Variants in ARHGAP6 observed in about 807,000 individuals in gnomAD.
The protein encoded by ARHGAP6 is rho GTPase-activating protein 6.
Under a neutral mutation model 55.7 loss-of-function variants are expected in ARHGAP6, and 16 were observed. The ratio of observed to expected loss-of-function variants is 0.29; its 90% CI spans 0.19 to 0.44. The LOEUF (loss-of-function observed/expected upper bound fraction) is 0.44, where lower values mean the gene tolerates loss of function less well. Among genes scored for constraint, ARHGAP6 ranks in the 20% least tolerant of loss-of-function variants. The pLI, the probability that ARHGAP6 is intolerant of heterozygous loss-of-function variation, is 1.00. For synonymous variants in ARHGAP6, 382 were observed against 360.9 expected (o/e 1.06, Z -0.66); for missense variants, 698 against 808.9 (o/e 0.86, Z 1.66).
chrX:11,523,893 T>G (rs1231999466), intron 1 of ARHGAP6, among the ~76,000 whole-genome samples: 1 of 111,565 alleles, frequency 9.0e-6, no homozygotes. Context: ...GGTTTTAGCA[T>G]CATACAGTCT....
At chrX:11,337,545 A>G (rs1371806408) in intron 1 of ARHGAP6, among the ~76,000 whole-genome samples, 7 of 112,445 alleles carry the variant, frequency 6.2e-5, no homozygotes, top group African/African-American at 2.3e-4. Context: ...AGAGCAGCCC[A>G]AGAAGGCTGG....
intron 1 of ARHGAP6, among the ~76,000 whole-genome samples, chrX:11,517,173 C>A (rs1349719648): frequency 1.8e-5 from 2 of 111,681 alleles, no homozygotes; most frequent in African/African-American, 3.3e-5. Context: ...ATCCTTTACC[C>A]AAGACAAGTT....
rs764799313 is a variant in ARHGAP6, at chrX:11,352,091, T to A, written c.589-97384A>T. ...AATAAATTATACCTCAGTAACACCA[T>A]GTTCTAATCAACTGAGAGACATGAT... On this transcript the variant is annotated intron_variant, in intron 1 of 12. Transcript: ENST00000337414. Among the ~76,000 whole-genome samples the A allele has an allele frequency of 3.5e-5, 4 of 112,775 alleles. No homozygotes were observed. In the East Asian group the frequency reaches 1.1e-3, roughly 31 times the overall value.
At chrX:11,154,084 G>A (rs913088706) in intron 10 of ARHGAP6, among the ~76,000 whole-genome samples, 1 of 110,726 alleles carries the variant, frequency 9.0e-6, no homozygotes, top group African/African-American at 3.3e-5. Context: ...CTGTCCTTGC[G>A]ATAGTTTGCT....
intron 1 of ARHGAP6, among the ~76,000 whole-genome samples, chrX:11,507,027 T>C (rs1348762264): frequency 8.9e-6 from 1 of 112,070 alleles, no homozygotes; most frequent in Non-Finnish European, 1.9e-5. Flanking sequence ...AGTGTCTTAA[T>C]CATCTTTATT....
chrX:11,277,213 A>G (rs1378724106), intron 1 of ARHGAP6, among the ~76,000 whole-genome samples: 1 of 111,901 alleles, frequency 8.9e-6, no homozygotes, highest in Admixed American at 9.5e-5. Context: ...TCATTACTTC[A>G]TTCATTCTTA....
At position 11,591,388 on chromosome X, in the gene ARHGAP6, AAAT is replaced by A. The variant is rs1310025551; in HGVS notation, c.588+72850_588+72852del. 6.5e-5 allele frequency among the ~76,000 whole-genome samples: 7 copies of A among 108,434 alleles called. No individual in the cohort carries two copies. The East Asian group carries it at 2.0e-3, about 30-fold the overall frequency. The allele number at this position is 108,434 out of a possible 115,157, so 94.2% of individuals were successfully genotyped here. On this transcript the variant is annotated intron_variant, in intron 1 of 12. Transcript: ENST00000337414. ...TTTTATTAATTTTAATTATTTAATT[AAAT>A]AATTATTTAATTATATAATTATTAA...
At chrX:11,403,087 C>G (rs1484220761) in intron 1 of ARHGAP6, among the ~76,000 whole-genome samples, 1 of 111,994 alleles carries the variant, frequency 8.9e-6, no homozygotes, top group Non-Finnish European at 1.9e-5. Flanking sequence ...AGAATACGGG[C>G]AGAGAACAGC....
At chrX:11,598,160 G>C (rs1303140439) in intron 1 of ARHGAP6, among the ~76,000 whole-genome samples, 1 of 111,334 alleles carries the variant, frequency 9.0e-6, no homozygotes, top group Admixed American at 9.5e-5. Flanking sequence ...TGGGAGGACA[G>C]AAGGGCAGAA....
chrX:11,563,712 T>G (rs965842182), intron 1 of ARHGAP6, among the ~76,000 whole-genome samples: 1 of 110,419 alleles, frequency 9.1e-6, no homozygotes, highest in African/African-American at 3.3e-5. Flanking sequence ...CTGGCAGAAA[T>G]TCACACTTAT....
intron 1 of ARHGAP6, among the ~76,000 whole-genome samples, chrX:11,291,088 A>C (rs1411954154): frequency 8.9e-6 from 1 of 112,775 alleles, no homozygotes; most frequent in Admixed American, 9.3e-5. Context: ...GAACTATTTT[A>C]TGCAGTCAAT....
chrX:11,599,386 T>C (rs1446371525), intron 1 of ARHGAP6, among the ~76,000 whole-genome samples: 1 of 112,162 alleles, frequency 8.9e-6, no homozygotes, highest in Non-Finnish European at 1.9e-5. Flanking sequence ...AGTGCATGTA[T>C]ACATAATATA....
chrX:11,174,578 CTTT>C lies in ARHGAP6; in HGVS notation c.1629+3519_1629+3521del, dbSNP rs1569241240. Among the ~76,000 whole-genome samples, 6 of 76,424 alleles carry C rather than the reference CTTT, an allele frequency of 7.9e-5. No homozygotes were observed. In the East Asian group the frequency reaches 1.0e-3, roughly 13 times the overall value. The allele number at this position is 76,424 out of a possible 115,157, so 66.4% of individuals were successfully genotyped here. ...CCTTCCTTCCTTCCTTCCTTCCTTT[CTTT>C]CTTTCTTTCTTTTTCTTTCTTTCTT... On this transcript the variant is annotated intron_variant, in intron 8 of 12. Transcript: ENST00000337414.
chrX:11,497,703 T>C (rs759253293), intron 1 of ARHGAP6, among the ~76,000 whole-genome samples: 6 of 110,297 alleles, frequency 5.4e-5, no homozygotes, highest in Non-Finnish European at 9.5e-5. Context: ...TCCAGAACTA[T>C]GAGAAATAAA....
intron 1 of ARHGAP6, chrX:11,427,815 AGAGGAGGAGGAGGAGGAGGAGGAG>A (rs775959764): frequency 4.1e-5 from 8 of 193,252 alleles, no homozygotes; most frequent in South Asian, 2.3e-4. Context: ...GGGAGGGGGA[AGAGGAGGAGGAGGAGGAGGAGGAG>A]GAGGAGGAGG....
At chrX:11,548,722 C>T (rs1052485630) in intron 1 of ARHGAP6, among the ~76,000 whole-genome samples, 21 of 111,150 alleles carry the variant, frequency 1.9e-4, no homozygotes, top group Non-Finnish European at 3.2e-4. Flanking sequence ...GATTCTCCTG[C>T]CTCAGCCTCC....
chrX:11,231,964 G>A (rs1237442692), intron 2 of ARHGAP6, among the ~76,000 whole-genome samples: 1 of 112,005 alleles, frequency 8.9e-6, no homozygotes, highest in African/African-American at 3.3e-5. Flanking sequence ...ATATCTTCAT[G>A]ATTTTTATTG....
At chrX:11,554,501 A>C (rs148758197) in intron 1 of ARHGAP6, among the ~76,000 whole-genome samples, 4 of 112,144 alleles carry the variant, frequency 3.6e-5, no homozygotes, top group Non-Finnish European at 5.6e-5. Flanking sequence ...GATACCCTAA[A>C]TACCCTGACT....
At chrX:11,644,708 T>G (rs2052509581) in intron 1 of ARHGAP6, among the ~76,000 whole-genome samples, 1 of 111,268 alleles carries the variant, frequency 9.0e-6, no homozygotes. Flanking sequence ...CTGGTAAGGA[T>G]GCAGAGCAAC....
Sources: gnomAD v4.1 joint callset for allele counts (sites outside exome capture counted in the v4.1 genomes callset) on GRCh38, gnomAD v4.1.1 for gene constraint, MANE v1.5 for transcripts, NCBI Gene and HGNC (gene_info 2026-07-23, HGNC 2026-07-21) for gene names.